The following NUDT4 variants were observed in gnomAD, a reference collection of about 807,000 sequenced individuals.
NUDT4 encodes nudix hydrolase 4.
NUDT4 carries 5 observed loss-of-function variants against 23.1 expected under a neutral mutation model. The ratio of observed to expected loss-of-function variants is 0.22; its 90% CI spans 0.11 to 0.46. The LOEUF is 0.46. NUDT4 is among the 20% of genes least tolerant of loss of function. NUDT4 has a pLI of 0.99. For missense variants in NUDT4, 96 were observed against 211.6 expected, an observed-to-expected ratio of 0.45 and a Z score of 3.39; for synonymous variants, 50 against 79.0, an observed-to-expected ratio of 0.63 and a Z score of 1.95.
At chr12:93,382,278 AAAAC>A (rs1875720348) in intron 1 of NUDT4, among the ~76,000 whole-genome samples, 1 of 150,786 alleles carries the variant, frequency 6.6e-6, no homozygotes. Flanking sequence ...AAAAAAAAAA[AAAAC>A]AACAAAAAAA....
Position 93,407,291 on chromosome 12 carries a change from A to T in NUDT4, c.*7912A>T, listed in dbSNP as rs1877872325. ...TCTGTCCAAGTTACTTCTCTTTTCC[A>T]TGACAGAGTTACAACTATTTGTCTG... On this transcript the variant is annotated 3_prime_UTR_variant, in exon 5 of 5. Transcript: ENST00000415493. 6.6e-6 allele frequency: 1 copy of T among 152,254 alleles called. No individual in the cohort carries two copies. Among genetic ancestry groups the T allele is most frequent in the African/African-American group, 2.4e-5 (1 of 41,438 alleles). 9.4% of individuals were successfully genotyped at this position (152,254 alleles called of 1,614,324 possible).
rs1293444671 is a variant in NUDT4, at chr12:93,405,601, G to C, written c.*6222G>C. Reference sequence around the variant, plus strand: ...AGTTAGTACCATAAAGCCAACTCTTGGAATATACCTGACTTCCACGATAAA... The same window carrying C: ...AGTTAGTACCATAAAGCCAACTCTTCGAATATACCTGACTTCCACGATAAA... On this transcript the variant is annotated 3_prime_UTR_variant, in exon 5 of 5. Transcript: ENST00000415493. 6.6e-6 allele frequency: 1 copy of C among 152,142 alleles called. No homozygotes were observed. Among genetic ancestry groups the C allele is most frequent in the East Asian group, 1.9e-4 (1 of 5,196 alleles). The allele number at this position is 152,142 out of a possible 1,614,324, so 9.4% of individuals were successfully genotyped here. A position where few individuals can be genotyped will look rare whatever the true frequency, so the allele number is the denominator to read the frequency against.
intron 1 of NUDT4, among the ~76,000 whole-genome samples, chr12:93,384,768 CT>C (rs559277920): frequency 8.8e-5 from 13 of 148,150 alleles, no homozygotes; most frequent in Non-Finnish European, 1.2e-4. Flanking sequence ...ATACACTATT[CT>C]TTTTTTTTTA....
rs1398721306 is a variant in NUDT4 at position 93,406,569 on chromosome 12, G to A, written c.*7190G>A. 6.6e-6 allele frequency: 1 copy of A among 152,174 alleles called. No individual in the cohort carries two copies. The highest frequency in any genetic ancestry group is 2.4e-5 in the African/African-American group (1 of 41,412). The allele number at this position is 152,174 out of a possible 1,614,324, so 9.4% of individuals were successfully genotyped here. Reference sequence around the variant, plus strand: ...TATAGTTGGCCCTCCATATCCATGGGTTCCACTTCCGTGGATTCAAACAAC... The same window carrying A: ...TATAGTTGGCCCTCCATATCCATGGATTCCACTTCCGTGGATTCAAACAAC... On this transcript the variant is annotated 3_prime_UTR_variant, in exon 5 of 5. Transcript: ENST00000415493.
intron 3 of NUDT4, among the ~76,000 whole-genome samples, chr12:93,397,102 G>T (rs563425322): frequency 2.1e-4 from 32 of 152,278 alleles, no homozygotes; most frequent in African/African-American, 7.5e-4. Context: ...TACAAATACT[G>T]TTTAACAGCA....
chr12:93,396,861 T>G (rs1876971712), intron 3 of NUDT4, among the ~76,000 whole-genome samples: 1 of 152,052 alleles, frequency 6.6e-6, no homozygotes, highest in Non-Finnish European at 1.5e-5. Flanking sequence ...AGAGCGGCAC[T>G]CCATCTCAAA....
intron 1 of NUDT4, among the ~76,000 whole-genome samples, chr12:93,382,837 AT>A (rs1875785215): frequency 6.6e-6 from 1 of 151,856 alleles, no homozygotes; most frequent in Non-Finnish European, 1.5e-5. Context: ...AATTTTTTGT[AT>A]TTTTAGTAGA....
In NUDT4 at chr12:93,400,790, G is replaced by A. The variant is rs1293003279; in HGVS notation, c.*1411G>A. ...ATGCCTGGCTAATTTTGTATTTTTA[G>A]TAGAGACAGGGTTTCTTCATGTTGG... On this transcript the variant is annotated 3_prime_UTR_variant, in exon 5 of 5. Transcript: ENST00000415493. 2 of 152,292 alleles carry A rather than the reference G, an allele frequency of 1.3e-5. No individual in the cohort carries two copies. The highest frequency in any genetic ancestry group is 2.4e-5 in the African/African-American group (1 of 41,486). The allele number at this position is 152,292 out of a possible 1,614,324, so 9.4% of individuals were successfully genotyped here.
At chr12:93,398,964 C>T (rs987504847) in intron 4 of NUDT4, 109 bp downstream of exon 4, 16 of 871,386 alleles carry the variant, frequency 1.8e-5, no homozygotes, top group Non-Finnish European at 3.5e-6. Context: ...TGCTTATATT[C>T]CTGTGTCCAG....
In NUDT4 at chr12:93,405,074, GGACT is replaced by G. The variant is rs1877729578; in HGVS notation, c.*5696_*5699del. On this transcript the variant is annotated 3_prime_UTR_variant, in exon 5 of 5. Transcript: ENST00000415493. ...AAAACAACATGAATTGTAATAACTT[GGACT>G]TACTTGGTTGCTCAGTCCTGATGTG... is the stretch of plus-strand genomic sequence containing the variant. 6.6e-6 allele frequency: 1 copy of G among 152,070 alleles called. No individual in the cohort carries two copies. Among genetic ancestry groups the G allele is most frequent in the African/African-American group, 2.4e-5 (1 of 41,388 alleles). The allele number at this position is 152,070 out of a possible 1,614,324, so 9.4% of individuals were successfully genotyped here. A position where few individuals can be genotyped will look rare whatever the true frequency, so the allele number is the denominator to read the frequency against.
intron 2 of NUDT4, 147 bp downstream of exon 2, chr12:93,394,866 T>C: frequency 1.8e-6 from 1 of 549,894 alleles, no homozygotes; most frequent in African/African-American, 1.9e-5. Context: ...TTTTATTTTT[T>C]GAGATGGAGT....
intron 4 of NUDT4, 30 bp downstream of exon 4, chr12:93,398,885 T>G: frequency 3.0e-6 from 4 of 1,318,284 alleles, no homozygotes; most frequent in Non-Finnish European, 4.4e-6. Flanking sequence ...CTGAATACTC[T>G]GTTCTAACAG....
intron 1 of NUDT4, among the ~76,000 whole-genome samples, chr12:93,381,511 T>A (rs4761711): frequency 0.25 from 38,542 of 152,132 alleles, 5,284 homozygotes; most frequent in East Asian, 0.54. Context: ...CTCCTAAGAA[T>A]CATTCTGTAG....
chr12:93,381,842 G>A (rs900290763), intron 1 of NUDT4, among the ~76,000 whole-genome samples: 2 of 152,240 alleles, frequency 1.3e-5, no homozygotes, highest in Admixed American at 1.3e-4. Flanking sequence ...ATGTGTTCAA[G>A]CTTGAGAGTG....
At chr12:93,395,649 C>A in intron 3 of NUDT4, 116 bp downstream of exon 3, 3 of 795,218 alleles carry the variant, frequency 3.8e-6, no homozygotes, top group Non-Finnish European at 6.6e-6. Flanking sequence ...TAGCAGTAGG[C>A]AGTCAGTCCA....
chr12:93,382,687 T>TG (rs1875765131), intron 1 of NUDT4, among the ~76,000 whole-genome samples: 1 of 148,530 alleles, frequency 6.7e-6, no homozygotes, highest in African/African-American at 2.5e-5. Flanking sequence ...TTTTTTTTTT[T>TG]TTTTTTTGAG....
Position 93,378,259 on chromosome 12 carries a change from G to A in NUDT4, c.-64G>A, listed in dbSNP as rs1238893044. ...CCTCGCCCCCACTCCCCGGCGGGGT[G>A]GCGGCGGCCGGGCCCCCACGGCGGC... is the stretch of plus-strand genomic sequence containing the variant. On this transcript the variant is annotated 5_prime_UTR_variant, in exon 1 of 5. Coordinates refer to ENST00000415493, the MANE Select transcript of NUDT4 (RefSeq NM_019094.6). 1.7e-6 allele frequency: 1 copy of A among 591,474 alleles called. No homozygotes were observed. The highest frequency in any genetic ancestry group is 2.4e-6 in the Non-Finnish European group (1 of 411,068). 36.6% of individuals were successfully genotyped at this position (591,474 alleles called of 1,614,324 possible).
chr12:93,403,098 G>A lies in NUDT4; in HGVS notation c.*3719G>A, dbSNP rs1313600713. On this transcript the variant is annotated 3_prime_UTR_variant, in exon 5 of 5. Transcript: ENST00000415493. ...GCCCAGGCTGGTCTCAAACTCCTAG[G>A]CTTAAGCAGTCCTCCAGCCTCAGCC... The A allele has an allele frequency of 6.6e-6, 1 of 150,954 alleles. No individual in the cohort carries two copies. The highest frequency in any genetic ancestry group is 1.5e-5 in the Non-Finnish European group (1 of 67,930). 9.4% of individuals were successfully genotyped at this position (150,954 alleles called of 1,614,324 possible).
At position 93,405,410 on chromosome 12, in the gene NUDT4, C is replaced by T. The variant is rs533566511; in HGVS notation, c.*6031C>T. On this transcript the variant is annotated 3_prime_UTR_variant, in exon 5 of 5. Coordinates refer to ENST00000415493, the MANE Select transcript of NUDT4 (RefSeq NM_019094.6). ...TTGGTATCAAGTCTATGTTCATACA[C>T]TTACCAGTGCCACCCAGCAGGGCCA... 1 of 152,306 alleles carries T rather than the reference C, an allele frequency of 6.6e-6. No homozygotes were observed. The highest frequency in any genetic ancestry group is 2.4e-5 in the African/African-American group (1 of 41,546). The allele number at this position is 152,306 out of a possible 1,614,324, so 9.4% of individuals were successfully genotyped here. A position where few individuals can be genotyped will look rare whatever the true frequency, so the allele number is the denominator to read the frequency against.
Sources: gnomAD v4.1 joint callset for allele counts (sites outside exome capture counted in the v4.1 genomes callset) on GRCh38, gnomAD v4.1.1 for gene constraint, MANE v1.5 for transcripts, NCBI Gene and HGNC (gene_info 2026-07-23, HGNC 2026-07-21) for gene names.